Variants in SUGCT observed in about 807,000 individuals in gnomAD.
The protein encoded by SUGCT is succinyl-CoA:glutarate-CoA transferase, also known as succinyl-CoA:glutarate CoA-transferase.
SUGCT carries 41 observed loss-of-function variants against 55.0 expected under a neutral mutation model. The observed-to-expected ratio is 0.74, with a 90% CI of 0.58 to 0.97. SUGCT has a LOEUF of 0.97. SUGCT is among the 50% of genes least tolerant of loss of function. The pLI is 0.00. For synonymous variants in SUGCT, 187 were observed against 200.4 expected (o/e 0.93, Z 0.56); for missense variants, 568 against 547.8 (o/e 1.04, Z -0.37).
At position 40,728,269 on chromosome 7, in the gene SUGCT, A is replaced by G. The variant is rs556718551; in HGVS notation, c.1090-21165A>G. On this transcript the variant is annotated intron_variant, in intron 12 of 13. Transcript: ENST00000335693. ...TACAGTGGCTCATGCCTGTAATCCT[A>G]GCATTTTGGGAGGCTGAAGCGGGTG... 7.9e-4 allele frequency among the ~76,000 whole-genome samples: 120 copies of G among 152,326 alleles called. 1 individual carries two copies. The South Asian group carries it at 0.024, about 31-fold the overall frequency.
intron 12 of SUGCT, among the ~76,000 whole-genome samples, chr7:40,645,619 C>G (rs1398642255): frequency 1.3e-5 from 2 of 152,190 alleles, no homozygotes; most frequent in African/African-American, 4.8e-5. Flanking sequence ...TGGTAGACCA[C>G]AGACACCTGG....
chr7:40,649,257 T>G (rs1800661637), intron 12 of SUGCT, among the ~76,000 whole-genome samples: 1 of 152,224 alleles, frequency 6.6e-6, no homozygotes, highest in Non-Finnish European at 1.5e-5. Flanking sequence ...ATGCCTGTGC[T>G]TGAGATCAGA....
At chr7:40,971,379 C>G in the SUGCT span, among the ~76,000 whole-genome samples, 1 of 152,130 alleles carries the variant, frequency 6.6e-6, no homozygotes, top group Non-Finnish European at 1.5e-5. Flanking sequence ...AGGGGACTTC[C>G]AAACTATATC....
At chr7:40,458,924 A>G (rs191416169) in intron 10 of SUGCT, among the ~76,000 whole-genome samples, 177 bp from the exon 11 acceptor site, 1 of 152,182 alleles carries the variant, frequency 6.6e-6, no homozygotes, top group African/African-American at 2.4e-5. Context: ...AAACCCTTTC[A>G]CCAGCATGTT....
At chr7:40,613,802 G>A (rs1288901507) in intron 12 of SUGCT, among the ~76,000 whole-genome samples, 8 of 152,062 alleles carry the variant, frequency 5.3e-5, no homozygotes, top group Non-Finnish European at 1.2e-4. Context: ...TAGAAACGGG[G>A]TTTCTCCATG....
chr7:40,755,676 A>G (rs936085405), intron 13 of SUGCT, among the ~76,000 whole-genome samples: 1 of 152,152 alleles, frequency 6.6e-6, no homozygotes, highest in Non-Finnish European at 1.5e-5. Flanking sequence ...ATAGAGTTTG[A>G]TGTGTAGCTC....
Position 40,289,417 on chromosome 7 carries a change from G to A in SUGCT, c.720+14761G>A, listed in dbSNP as rs1793581378. 1.3e-5 allele frequency among the ~76,000 whole-genome samples: 2 copies of A among 151,990 alleles called. 1 individual carries two copies. Among genetic ancestry groups the A allele is most frequent in the South Asian group, 4.2e-4 (2 of 4,818 alleles). ...ACAATATGGTAAAATATTTGAATAT[G>A]GCCTAATTTGAACAATGGTAAAATA... is the stretch of plus-strand genomic sequence containing the variant. On this transcript the variant is annotated intron_variant, in intron 8 of 13. Coordinates refer to ENST00000335693, the MANE Select transcript of SUGCT (RefSeq NM_001193313.2).
chr7:41,002,108 C>A, the SUGCT span, among the ~76,000 whole-genome samples: 2 of 152,278 alleles, frequency 1.3e-5, no homozygotes, highest in East Asian at 1.9e-4. Context: ...ATAACCTCTG[C>A]CTCTTGGATG....
At chr7:40,482,536 G>T (rs1273673278) in intron 11 of SUGCT, among the ~76,000 whole-genome samples, 1 of 152,020 alleles carries the variant, frequency 6.6e-6, no homozygotes, top group Non-Finnish European at 1.5e-5. Context: ...TTTACCAGTA[G>T]TTCTTCACAA....
the SUGCT span, among the ~76,000 whole-genome samples, chr7:40,916,013 G>A: frequency 9.3e-6 from 1 of 107,090 alleles, no homozygotes; most frequent in African/African-American, 5.1e-5. Context: ...GACTGAGTGA[G>A]TATATTATAT....
At chr7:40,230,023 A>C (rs1343764527) in intron 6 of SUGCT, among the ~76,000 whole-genome samples, 1 of 152,220 alleles carries the variant, frequency 6.6e-6, no homozygotes, top group African/African-American at 2.4e-5. Flanking sequence ...GTAGTTGCTT[A>C]GAATATTAAT....
chr7:40,885,521 C>G, the SUGCT span, among the ~76,000 whole-genome samples: 1 of 152,098 alleles, frequency 6.6e-6, no homozygotes, highest in Non-Finnish European at 1.5e-5. Flanking sequence ...TCCTGGATCC[C>G]CAGCCAGACA....
rs1785253979 is a variant in SUGCT, at chr7:40,182,266, G to A, written c.226+238G>A. ...AGCCAGTTTCTTCTTTGCACCTGAA[G>A]GCTTTTGTTAGAAGCTGAGGCTGGG... On this transcript the variant is annotated intron_variant, in intron 3 of 13. Coordinates refer to ENST00000335693, the MANE Select transcript of SUGCT (RefSeq NM_001193313.2). 2.0e-5 allele frequency among the ~76,000 whole-genome samples: 3 copies of A among 152,070 alleles called. No individual in the cohort carries two copies. In the South Asian group the frequency reaches 6.2e-4, roughly 32 times the overall value.
the SUGCT span, among the ~76,000 whole-genome samples, chr7:41,004,832 A>G: frequency 2.0e-5 from 3 of 152,106 alleles, no homozygotes; most frequent in African/African-American, 7.2e-5. Context: ...GCATCTCAAT[A>G]TTCTTCTCAT....
chr7:40,379,071 G>C (rs1393440), intron 9 of SUGCT, among the ~76,000 whole-genome samples: 144,150 of 152,208 alleles, frequency 0.95, 68,740 homozygotes, highest in East Asian at 1. Flanking sequence ...TTGAGACACA[G>C]AGGTAAGGAG....
intron 6 of SUGCT, among the ~76,000 whole-genome samples, chr7:40,224,594 G>C (rs1208771448): frequency 6.6e-6 from 1 of 152,152 alleles, no homozygotes; most frequent in Non-Finnish European, 1.5e-5. Flanking sequence ...TTGTAGGCAA[G>C]ATAGTATCTT....
chr7:40,994,743 A>G, the SUGCT span, among the ~76,000 whole-genome samples: 1 of 152,096 alleles, frequency 6.6e-6, no homozygotes, highest in Non-Finnish European at 1.5e-5. Flanking sequence ...CTGGGAGGTG[A>G]TTATGGGAGT....
intron 12 of SUGCT, among the ~76,000 whole-genome samples, chr7:40,542,145 T>C (rs1794723055): frequency 6.6e-6 from 1 of 152,220 alleles, no homozygotes; most frequent in South Asian, 2.1e-4. Context: ...AACAGTTATT[T>C]AGCACTATGT....
chr7:40,967,952 T>C, the SUGCT span, among the ~76,000 whole-genome samples: 1 of 152,236 alleles, frequency 6.6e-6, no homozygotes, highest in Non-Finnish European at 1.5e-5. Context: ...TCAATGGATA[T>C]AGAAAAGCTA....
Sources: gnomAD v4.1 joint callset for allele counts (sites outside exome capture counted in the v4.1 genomes callset) on GRCh38, gnomAD v4.1.1 for gene constraint, MANE v1.5 for transcripts, NCBI Gene and HGNC (gene_info 2026-07-23, HGNC 2026-07-21) for gene names.